The following HMGA2 variants were observed in gnomAD, a reference collection of about 807,000 sequenced individuals.
The protein encoded by HMGA2 is high mobility group protein HMGI-C.
In HMGA2, 8 loss-of-function variants were observed where a neutral mutation model predicts 19.1. The observed-to-expected ratio is 0.42, with a 90% CI of 0.25 to 0.76. The LOEUF (loss-of-function observed/expected upper bound fraction) is 0.76. Among genes scored for constraint, HMGA2 ranks in the 30% least tolerant of loss-of-function variants. The pLI is 0.28. For missense variants in HMGA2, 109 were observed against 136.3 expected (o/e 0.80, Z 1.00); for synonymous variants, 60 against 48.8 (o/e 1.23, Z -0.96).
intron 3 of HMGA2, among the ~76,000 whole-genome samples, chr12:65,845,350 T>C (rs1316218599): frequency 2.0e-5 from 3 of 152,110 alleles, no homozygotes; most frequent in African/African-American, 7.2e-5. Context: ...CTCATTGCAG[T>C]TTCTGCCTCC....
At chr12:65,908,544 C>T (rs191144282) in intron 3 of HMGA2, among the ~76,000 whole-genome samples, 85 of 152,262 alleles carry the variant, frequency 5.6e-4, no homozygotes, top group Non-Finnish European at 1.0e-3. Flanking sequence ...TCATATGTCT[C>T]CAGTTGTTGC....
At chr12:65,863,586 CACA>C (rs1231875166) in intron 3 of HMGA2, among the ~76,000 whole-genome samples, 13 of 152,026 alleles carry the variant, frequency 8.6e-5, no homozygotes, top group Non-Finnish European at 1.6e-4. Flanking sequence ...AAAAAAAAAT[CACA>C]ACAATATCCT....
intron 3 of HMGA2, chr12:65,851,752 TTC>T (rs1252710215): frequency 1.4e-5 from 5 of 352,804 alleles, no homozygotes; most frequent in Non-Finnish European, 2.9e-5. Context: ...TCCCAAGTCT[TTC>T]TCACTATGTC....
At chr12:65,867,157 G>A (rs1872468156) in intron 3 of HMGA2, among the ~76,000 whole-genome samples, 1 of 152,098 alleles carries the variant, frequency 6.6e-6, no homozygotes, top group South Asian at 2.1e-4. Flanking sequence ...CTAAATTGAG[G>A]GCCTGCCATT....
intron 3 of HMGA2, among the ~76,000 whole-genome samples, chr12:65,906,857 T>C (rs1400433851): frequency 6.6e-6 from 1 of 152,242 alleles, no homozygotes; most frequent in Admixed American, 6.5e-5. Context: ...GCTTATAAGA[T>C]ATTACAAGTC....
intron 3 of HMGA2, among the ~76,000 whole-genome samples, chr12:65,870,758 A>G (rs1196585097): frequency 6.6e-6 from 1 of 152,234 alleles, no homozygotes; most frequent in African/African-American, 2.4e-5. Context: ...CTGGAAGATG[A>G]CATCCCTGGG....
chr12:65,897,790 T>A (rs1006288172), intron 3 of HMGA2, among the ~76,000 whole-genome samples: 9 of 152,066 alleles, frequency 5.9e-5, no homozygotes, highest in Admixed American at 2.0e-4. Flanking sequence ...TAAAACCCTG[T>A]CTCTACTAAA....
intron 3 of HMGA2, chr12:65,915,416 G>GT (rs3214944): frequency 0.15 from 188,566 of 1,276,126 alleles, 14,541 homozygotes; most frequent in African/African-American, 0.21. Context: ...AGCTTAGAGA[G>GT]TAGAGGGTGG....
chr12:65,938,674 G>T (rs1009746697), intron 3 of HMGA2, among the ~76,000 whole-genome samples: 2 of 151,604 alleles, frequency 1.3e-5, no homozygotes, highest in Non-Finnish European at 2.9e-5. Flanking sequence ...TTAGAGACAG[G>T]GTCTCACTTT....
chr12:65,869,615 AT>A (rs1050473127), intron 3 of HMGA2, among the ~76,000 whole-genome samples: 1 of 152,196 alleles, frequency 6.6e-6, no homozygotes, highest in African/African-American at 2.4e-5. Context: ...TACAATTCAC[AT>A]TTTATTCTGG....
intron 4 of HMGA2, 142 bp from the exon 5 acceptor site, chr12:65,963,103 A>G: frequency 2.8e-6 from 2 of 712,678 alleles, no homozygotes; most frequent in Admixed American, 2.4e-5. Context: ...AGCCCTGGGA[A>G]TGAGGGCTCG....
At chr12:65,886,393 T>A (rs1486804734) in intron 3 of HMGA2, among the ~76,000 whole-genome samples, 2 of 148,662 alleles carry the variant, frequency 1.3e-5, no homozygotes, top group African/African-American at 5.0e-5. Flanking sequence ...CGAGTCTCCC[T>A]CTATCGCCCA....
intron 3 of HMGA2, chr12:65,934,714 T>C (rs1006050279): frequency 2.0e-5 from 3 of 152,168 alleles, no homozygotes; most frequent in Admixed American, 6.5e-5. Flanking sequence ...TGCACATAGG[T>C]TGAGGAACTG....
chr12:65,854,485 G>A (rs747986462), intron 3 of HMGA2, among the ~76,000 whole-genome samples: 19 of 152,194 alleles, frequency 1.2e-4, no homozygotes, highest in Admixed American at 1.1e-3. Context: ...CCCCAGTTTC[G>A]CATGTACTTA....
chr12:65,838,752 G>A lies in HMGA2; in HGVS notation c.249+183G>A, dbSNP rs140724311. Reference sequence around the variant, plus strand: ...CTACCACTAGGCTCCAGGTGTTTACGTAGAACACTTTTCTTTCCTGAAGGT... The same window carrying A: ...CTACCACTAGGCTCCAGGTGTTTACATAGAACACTTTTCTTTCCTGAAGGT... On this transcript the variant is annotated intron_variant, in intron 3 of 4. Coordinates refer to ENST00000403681, the MANE Select transcript of HMGA2 (RefSeq NM_003483.6). Among the ~76,000 whole-genome samples, 24 of 152,140 alleles carry A rather than the reference G, an allele frequency of 1.6e-4. No individual in the cohort carries two copies. The East Asian group carries it at 4.1e-3, about 26-fold the overall frequency.
intron 3 of HMGA2, among the ~76,000 whole-genome samples, chr12:65,880,492 G>A (rs974475013): frequency 3.3e-5 from 5 of 152,110 alleles, no homozygotes; most frequent in Non-Finnish European, 7.3e-5. Flanking sequence ...AGAGCTATAT[G>A]GGAAATTAGA....
intron 3 of HMGA2, chr12:65,915,466 T>C (rs1159830873): frequency 4.0e-6 from 5 of 1,238,620 alleles, no homozygotes; most frequent in Admixed American, 3.6e-5. Context: ...TCCACCTTTT[T>C]GCAGAAATCA....
intron 3 of HMGA2, among the ~76,000 whole-genome samples, chr12:65,838,886 G>A (rs532854837): frequency 1.3e-5 from 2 of 151,860 alleles, no homozygotes; most frequent in East Asian, 1.9e-4. Context: ...AAAGTTAAAG[G>A]GTATTATGAA....
chr12:65,832,115 A>G (rs540138108), intron 2 of HMGA2, among the ~76,000 whole-genome samples: 16 of 152,098 alleles, frequency 1.1e-4, no homozygotes, highest in African/African-American at 2.9e-4. Context: ...GAAATTAAGT[A>G]AAGTCCAACT....
Sources: allele counts gnomAD v4.1 joint callset (sites outside exome capture counted in the v4.1 genomes callset), GRCh38; gene constraint gnomAD v4.1.1; transcripts MANE v1.5; gene names NCBI Gene and HGNC (gene_info 2026-07-23, HGNC 2026-07-21).